Variants in ASB7 observed in about 807,000 individuals in gnomAD.
The protein encoded by ASB7 is ankyrin repeat and SOCS box protein 7.
In ASB7, 4 loss-of-function variants were observed where a neutral mutation model predicts 32.5. The ratio of observed to expected loss-of-function variants is 0.12; its 90% CI spans 0.06 to 0.28. The LOEUF is 0.28. Among genes scored for constraint, ASB7 ranks in the 10% least tolerant of loss-of-function variants. The pLI is 1.00. For missense variants in ASB7, 181 were observed against 407.1 expected (o/e 0.44, Z 4.78); for synonymous variants, 172 against 155.6 (o/e 1.11, Z -0.78).
Position 100,629,540 on chromosome 15 carries a change from C to T in ASB7, c.315C>T (p.Tyr105=). 1.2e-6 allele frequency: 2 copies of T among 1,614,178 alleles called. No individual in the cohort carries two copies. Among genetic ancestry groups the T allele is most frequent in the Non-Finnish European group, 8.5e-7 (1 of 1,180,010 alleles). Residue 105 remains tyrosine, a synonymous_variant, in exon 5 of 6, where the codon TAC becomes TAT. Coordinates refer to ENST00000332783, the MANE Select transcript of ASB7 (RefSeq NM_198243.3). The surrounding 1 kb of genome is among the most constrained non-coding windows in gnomAD (Gnocchi z 6.8). ...CACGCTTGATGTTAGAATCTGAATACAGGAGCGACATCATTAATGCAAAAA... is the reference window on the plus strand; with the variant it reads ...CACGCTTGATGTTAGAATCTGAATATAGGAGCGACATCATTAATGCAAAAA... ...RIARLMLESE[Y]RSDIINAKSN...
intron 4 of ASB7, among the ~76,000 whole-genome samples, chr15:100,624,085 A>C (rs894829754): frequency 4.6e-5 from 7 of 152,168 alleles, no homozygotes; most frequent in African/African-American, 1.7e-4. Context: ...GTTCTCACTC[A>C]TGTGGAAGCT....
intron 5 of ASB7, among the ~76,000 whole-genome samples, chr15:100,637,955 CTT>C (rs541831373): frequency 4.4e-5 from 6 of 136,730 alleles, no homozygotes; most frequent in Admixed American, 1.4e-4. Flanking sequence ...GAAAGCAGCT[CTT>C]TTTTTTTTTT....
At chr15:100,623,011 G>A (rs1397452010) in intron 4 of ASB7, among the ~76,000 whole-genome samples, 1 of 152,182 alleles carries the variant, frequency 6.6e-6, no homozygotes, top group African/African-American at 2.4e-5. Flanking sequence ...TGTTGAATGG[G>A]AGAAAATATT....
Position 100,645,335 on chromosome 15 carries a change from TTCTGCA to T in ASB7, c.818-2979_818-2974del, listed in dbSNP as rs536339481. ...TTTATATAAACTTCAAAAGGCTGCT[TTCTGCA>T]TCTGCATCAATGTAATTTCATGATT... On this transcript the variant is annotated intron_variant, in intron 5 of 5. Coordinates refer to ENST00000332783, the MANE Select transcript of ASB7 (RefSeq NM_198243.3). 301 of 231,732 alleles carry T rather than the reference TTCTGCA, an allele frequency of 1.3e-3. 2 individuals carry two copies. The highest frequency in any genetic ancestry group is 6.4e-3 in the Middle Eastern group (4 of 626). The allele number at this position is 231,732 out of a possible 1,614,324, so 14.4% of individuals were successfully genotyped here. A position where few individuals can be genotyped will look rare whatever the true frequency, so the allele number is the denominator to read the frequency against.
At chr15:100,615,589 G>C (rs1161476909) in intron 4 of ASB7, among the ~76,000 whole-genome samples, 2 of 152,186 alleles carry the variant, frequency 1.3e-5, no homozygotes, top group Non-Finnish European at 2.9e-5. Context: ...TGGTTAAAAA[G>C]CCACTTAAAG....
At chr15:100,609,616 G>A (rs1049347010) in intron 2 of ASB7, 91 bp from the exon 3 acceptor site, 2 of 152,164 alleles carry the variant, frequency 1.3e-5, no homozygotes, top group African/African-American at 2.4e-5. Context: ...AAGCACTGAA[G>A]TTTACATTCA....
At chr15:100,613,160 A>C (rs1224101094) in intron 4 of ASB7, among the ~76,000 whole-genome samples, 1 of 152,152 alleles carries the variant, frequency 6.6e-6, no homozygotes, top group Admixed American at 6.5e-5. Context: ...ATCTCTGTAA[A>C]TTATGGTTGA....
At chr15:100,641,256 A>G (rs1396905480) in intron 5 of ASB7, among the ~76,000 whole-genome samples, 1 of 152,184 alleles carries the variant, frequency 6.6e-6, no homozygotes, top group Non-Finnish European at 1.5e-5. Flanking sequence ...TGTTGAATAC[A>G]TACAGCATTA....
intron 5 of ASB7, among the ~76,000 whole-genome samples, chr15:100,639,910 A>C (rs1342307328): frequency 6.6e-6 from 1 of 152,150 alleles, no homozygotes; most frequent in Non-Finnish European, 1.5e-5. Flanking sequence ...TATAGTTCAG[A>C]GCTCATTTAC....
At chr15:100,646,567 CT>C in intron 5 of ASB7, 1 of 385,090 alleles carries the variant, frequency 2.6e-6, no homozygotes, top group Non-Finnish European at 5.4e-6. Flanking sequence ...AAGGTCAACA[CT>C]TTAAGAGACA....
At chr15:100,619,878 G>A (rs2039776445) in intron 4 of ASB7, among the ~76,000 whole-genome samples, 1 of 152,226 alleles carries the variant, frequency 6.6e-6, no homozygotes, top group South Asian at 2.1e-4. Context: ...TCTGAGTCGA[G>A]TAAATGATAC....
intron 2 of ASB7, among the ~76,000 whole-genome samples, chr15:100,605,520 A>T (rs1235907563): frequency 6.6e-6 from 1 of 152,246 alleles, no homozygotes; most frequent in Non-Finnish European, 1.5e-5. Context: ...ATACTATGAC[A>T]CATACAGTAT....
chr15:100,645,243 A>G (rs781157357), intron 5 of ASB7, among the ~76,000 whole-genome samples: 4 of 152,214 alleles, frequency 2.6e-5, no homozygotes, highest in Non-Finnish European at 5.9e-5. Context: ...ATAAACACGA[A>G]CTTTTGTATT....
chr15:100,604,614 G>T (rs1373896595), intron 2 of ASB7, among the ~76,000 whole-genome samples: 12 of 152,236 alleles, frequency 7.9e-5, no homozygotes, highest in Non-Finnish European at 4.4e-5. Context: ...GGGATCTGAG[G>T]TATGCATATT....
intron 2 of ASB7, among the ~76,000 whole-genome samples, chr15:100,605,399 G>T (rs1429376839): frequency 6.6e-6 from 1 of 152,144 alleles, no homozygotes; most frequent in Non-Finnish European, 1.5e-5. Context: ...TTATAATCAC[G>T]TAGGGAGAAT....
At chr15:100,607,373 C>A (rs866738300) in intron 2 of ASB7, among the ~76,000 whole-genome samples, 6 of 152,194 alleles carry the variant, frequency 3.9e-5, no homozygotes, top group Admixed American at 6.5e-5. Flanking sequence ...ATACACGTGA[C>A]TCGACTCTGT....
chr15:100,632,199 G>A (rs369381083), intron 5 of ASB7, among the ~76,000 whole-genome samples: 16 of 152,198 alleles, frequency 1.1e-4, no homozygotes, highest in Non-Finnish European at 2.1e-4. Flanking sequence ...TCCACTGTAC[G>A]AGGAGCAGAG....
chr15:100,636,881 C>T (rs187028456), intron 5 of ASB7, among the ~76,000 whole-genome samples: 2 of 152,276 alleles, frequency 1.3e-5, no homozygotes, highest in Admixed American at 1.3e-4. Context: ...ATGTGATTTG[C>T]CTTTTTCACT....
chr15:100,641,480 T>C (rs2039961580), intron 5 of ASB7, among the ~76,000 whole-genome samples: 1 of 152,206 alleles, frequency 6.6e-6, no homozygotes, highest in Non-Finnish European at 1.5e-5. Context: ...GCAAGAGAAG[T>C]TCATACCTGT....
Sources: allele counts gnomAD v4.1 joint callset (sites outside exome capture counted in the v4.1 genomes callset), GRCh38; gene constraint gnomAD v4.1.1; non-coding constraint Gnocchi (gnomAD v3.1); transcripts MANE v1.5; gene names NCBI Gene and HGNC (gene_info 2026-07-23, HGNC 2026-07-21).